ERI1: variants seen among roughly 807,000 people sequenced by gnomAD.
ERI1 encodes the protein 3'-5' exoribonuclease 1.
A neutral mutation model predicts 39.7 loss-of-function variants in ERI1; 39 were observed. The observed-to-expected ratio is 0.98, with a 90% CI of 0.76 to 1.28. The LOEUF (loss-of-function observed/expected upper bound fraction) is 1.28, where lower values mean the gene tolerates loss of function less well. Among genes scored for constraint, ERI1 ranks in the 50% most tolerant of loss-of-function variants. The pLI, the probability that ERI1 is intolerant of heterozygous loss-of-function variation, is 0.00. For missense variants in ERI1, 581 were observed against 416.9 expected, an observed-to-expected ratio of 1.39 and a Z score of -3.43; for synonymous variants, 204 against 149.6, an observed-to-expected ratio of 1.36 and a Z score of -2.65.
At chr8:9,021,524 C>G (rs1472273529) in intron 6 of ERI1, among the ~76,000 whole-genome samples, 1 of 152,126 alleles carries the variant, frequency 6.6e-6, no homozygotes, top group Non-Finnish European at 1.5e-5. Context: ...TCTTTTAAAA[C>G]TGAGAAGTAT....
Position 9,031,930 on chromosome 8 carries a change from G to C in ERI1, c.*1896G>C, listed in dbSNP as rs1330607079. 6.6e-6 allele frequency: 1 copy of C among 152,236 alleles called. No individual in the cohort carries two copies. Among genetic ancestry groups the C allele is most frequent in the Non-Finnish European group, 1.5e-5 (1 of 68,108 alleles). The allele number at this position is 152,236 out of a possible 1,614,324, so 9.4% of individuals were successfully genotyped here. A position where few individuals can be genotyped will look rare whatever the true frequency, so the allele number is the denominator to read the frequency against. Reference sequence around the variant, plus strand: ...GTGCCACCACACCCGCCTAATTTTTGTATTTTTGGTAGAGGCGGGGTTTCA... The same window carrying C: ...GTGCCACCACACCCGCCTAATTTTTCTATTTTTGGTAGAGGCGGGGTTTCA... On this transcript the variant is annotated 3_prime_UTR_variant, in exon 7 of 7. Coordinates refer to ENST00000250263, the MANE Select transcript of ERI1 (RefSeq NM_153332.4).
chr8:9,009,403 G>T (rs117366272), intron 2 of ERI1, among the ~76,000 whole-genome samples: 90 of 152,216 alleles, frequency 5.9e-4, no homozygotes, highest in Non-Finnish European at 1.0e-3. Flanking sequence ...AAAGGGAGGG[G>T]GAGGGTATTT....
chr8:9,055,414 G>A (rs1798475721), intron 3 of ERI1, among the ~76,000 whole-genome samples: 1 of 152,238 alleles, frequency 6.6e-6, no homozygotes, highest in South Asian at 2.1e-4. Flanking sequence ...ACGGAATGGG[G>A]AAACCTAGCC....
chr8:9,021,241 A>T (rs558038600), intron 6 of ERI1, among the ~76,000 whole-genome samples: 1 of 152,222 alleles, frequency 6.6e-6, no homozygotes, highest in South Asian at 2.1e-4. Flanking sequence ...GTCACTTCTT[A>T]TGACTGAGAA....
intron 5 of ERI1, 144 bp downstream of exon 5, chr8:9,018,550 C>A (rs146111327): frequency 1.9e-6 from 1 of 534,400 alleles, no homozygotes; most frequent in East Asian, 3.0e-5. Flanking sequence ...TTTCCTTTCA[C>A]CTAAGGATGA....
chr8:9,025,876 T>G lies in ERI1; in HGVS notation c.808-3916T>G, dbSNP rs139025688. On this transcript the variant is annotated intron_variant, in intron 6 of 6. Transcript: ENST00000250263. ...TAGAGATAGGACCCAACTCTAAATA[T>G]GAAATTCATTTTTGTTTCATATATA... Among the ~76,000 whole-genome samples, 71 of 152,266 alleles carry G rather than the reference T, an allele frequency of 4.7e-4. 1 individual carries two copies. The highest frequency in any genetic ancestry group is 3.4e-3 in the Middle Eastern group (1 of 294).
chr8:9,077,321 G>A (rs551711051), intron 3 of ERI1, among the ~76,000 whole-genome samples: 1 of 152,254 alleles, frequency 6.6e-6, no homozygotes, highest in African/African-American at 2.4e-5. Context: ...TGAAACCTAT[G>A]TAGAGGCAAA....
In ERI1 at chr8:9,047,372, C is replaced by T. The variant is rs113204247; in HGVS notation, n.299+26908C>T. Among the ~76,000 whole-genome samples the T allele has an allele frequency of 2.6e-3, 398 of 152,292 alleles. 1 individual carries two copies. Among genetic ancestry groups the T allele is most frequent in the African/African-American group, 9.1e-3 (377 of 41,560 alleles). The stretch of plus-strand genomic sequence containing the variant: ...GCCCTTCTCTGCTCACTTCTGTGGC[C>T]ACAGAGTGGTCCCTGGGCCTAGCCA... On this transcript the variant is annotated intron_variant and non_coding_transcript_variant, in intron 3 of 3. Coordinates refer to the ERI1 transcript ENST00000518663.
intron 4 of ERI1, among the ~76,000 whole-genome samples, chr8:9,017,067 T>C (rs1238161290): frequency 6.6e-6 from 1 of 151,842 alleles, no homozygotes; most frequent in African/African-American, 2.4e-5. Flanking sequence ...TGAGATGGAG[T>C]CTCACTCTGT....
intron 2 of ERI1, chr8:9,008,933 C>T: frequency 2.2e-6 from 1 of 451,178 alleles, no homozygotes; most frequent in Non-Finnish European, 4.5e-6. Flanking sequence ...TTTCACCACT[C>T]TTCAAAAGAG....
chr8:9,009,959 C>T (rs894560321), intron 2 of ERI1, among the ~76,000 whole-genome samples: 1 of 152,156 alleles, frequency 6.6e-6, no homozygotes, highest in Non-Finnish European at 1.5e-5. Context: ...TGCATTTTAC[C>T]TCGTAAGCAG....
chr8:9,054,152 C>T lies in ERI1; in HGVS notation n.299+33688C>T, dbSNP rs536750999. Among the ~76,000 whole-genome samples, 36 of 152,264 alleles carry T rather than the reference C, an allele frequency of 2.4e-4. 1 individual carries two copies. The highest frequency in any genetic ancestry group is 3.4e-3 in the Middle Eastern group (1 of 294). Reference sequence around the variant, plus strand: ...ATGGAAAAGCAACATCAGGGGATTGCATACATTAAAGGTGATATAAATTGT... The same window carrying T: ...ATGGAAAAGCAACATCAGGGGATTGTATACATTAAAGGTGATATAAATTGT... On this transcript the variant is annotated intron_variant and non_coding_transcript_variant, in intron 3 of 3. Coordinates refer to the ERI1 transcript ENST00000518663.
chr8:9,018,508 C>T lies in ERI1; in HGVS notation c.692+102C>T, dbSNP rs542368469. The T allele has an allele frequency of 1.9e-4, 123 of 659,708 alleles. 1 individual carries two copies. In the African/African-American group the frequency reaches 2.0e-3, roughly 11 times the overall value. 40.9% of individuals were successfully genotyped at this position (659,708 alleles called of 1,614,324 possible). On this transcript the variant is annotated intron_variant, in intron 5 of 6. Coordinates refer to ENST00000250263, the MANE Select transcript of ERI1 (RefSeq NM_153332.4). ...AATAACCACAAACTATTATTAGAGACCCTAGAGTCTCACCCCACAGGGAAT... is the reference window on the plus strand; with the variant it reads ...AATAACCACAAACTATTATTAGAGATCCTAGAGTCTCACCCCACAGGGAAT...
chr8:9,090,092 G>T (rs1410903247), intron 3 of ERI1, among the ~76,000 whole-genome samples: 2 of 152,112 alleles, frequency 1.3e-5, no homozygotes, highest in African/African-American at 4.8e-5. Context: ...TGTGCAACCG[G>T]GAGACACAGA....
intron 3 of ERI1, among the ~76,000 whole-genome samples, chr8:9,053,833 C>T (rs938155688): frequency 1.4e-4 from 21 of 152,362 alleles, no homozygotes; most frequent in Admixed American, 4.6e-4. Context: ...TAAGAATTCT[C>T]TTCTGAAAAG....
chr8:9,028,675 G>C (rs1213318246), intron 6 of ERI1, among the ~76,000 whole-genome samples: 1 of 152,060 alleles, frequency 6.6e-6, no homozygotes, highest in Non-Finnish European at 1.5e-5. Context: ...CCAGGCTGGA[G>C]TGCAGTGGAG....
intron 3 of ERI1, among the ~76,000 whole-genome samples, chr8:9,042,962 C>T (rs1217472935): frequency 6.6e-6 from 1 of 152,190 alleles, no homozygotes; most frequent in Non-Finnish European, 1.5e-5. Flanking sequence ...ACATGCTCTG[C>T]AGTCTGCAAG....
chr8:9,022,635 A>T (rs1486160508), intron 6 of ERI1, among the ~76,000 whole-genome samples: 1 of 152,108 alleles, frequency 6.6e-6, no homozygotes, highest in African/African-American at 2.4e-5. Context: ...CCTGGACTCA[A>T]ATGATCTGCC....
chr8:9,007,382 G>A (rs904942774), intron 1 of ERI1, among the ~76,000 whole-genome samples: 4 of 152,112 alleles, frequency 2.6e-5, no homozygotes, highest in African/African-American at 9.7e-5. Context: ...ATTATCAGAA[G>A]TTATTACACA....
Sources: allele counts gnomAD v4.1 joint callset (sites outside exome capture counted in the v4.1 genomes callset), GRCh38; gene constraint gnomAD v4.1.1; transcripts MANE v1.5; gene names NCBI Gene and HGNC (gene_info 2026-07-23, HGNC 2026-07-21).